RAPGEF1: variants seen among roughly 807,000 people sequenced by gnomAD.
RAPGEF1 encodes CRK SH3-binding GNRP.
Under a neutral mutation model 143.3 loss-of-function variants are expected in RAPGEF1, and 33 were observed. The ratio of observed to expected loss-of-function variants is 0.23; its 90% CI spans 0.17 to 0.31. RAPGEF1 has a LOEUF of 0.31. Among genes scored for constraint, RAPGEF1 ranks in the 10% least tolerant of loss-of-function variants. The probability of loss-of-function intolerance (pLI) is 1.00; values close to 1 mark genes in which losing one functional copy is unlikely to be tolerated. For missense variants in RAPGEF1, 1,199 were observed against 1,645.4 expected (o/e 0.73, Z 4.69); for synonymous variants, 629 against 676.5 (o/e 0.93, Z 1.09).
chr9:131,609,594 G>C (rs1319077754), intron 12 of RAPGEF1, among the ~76,000 whole-genome samples: 1 of 152,190 alleles, frequency 6.6e-6, no homozygotes, highest in African/African-American at 2.4e-5. Flanking sequence ...AGTGTGGCAG[G>C]ACAGGCAGGG....
chr9:131,626,872 G>A (rs112926712), intron 9 of RAPGEF1, among the ~76,000 whole-genome samples: 106 of 152,234 alleles, frequency 7.0e-4, no homozygotes, highest in African/African-American at 2.3e-3. Context: ...AGGCCGAGGC[G>A]GGCCGATCAG....
intron 1 of RAPGEF1, among the ~76,000 whole-genome samples, chr9:131,657,851 T>C (rs556691276): frequency 1.2e-4 from 19 of 152,364 alleles, no homozygotes; most frequent in African/African-American, 4.3e-4. Flanking sequence ...ATAGTTTATA[T>C]CGACATATAC....
At chr9:131,598,562 T>A (rs546604192) in intron 15 of RAPGEF1, 36 of 617,194 alleles carry the variant, frequency 5.8e-5, no homozygotes, top group South Asian at 5.5e-4. Context: ...ATAAAAAGGT[T>A]CCATTAAGCT....
chr9:131,626,403 A>G lies in RAPGEF1; in HGVS notation c.1221T>C (p.Tyr407=). The G allele has an allele frequency of 6.2e-7, 1 of 1,601,250 alleles. No homozygotes were observed. The highest frequency in any genetic ancestry group is 8.5e-7 in the Non-Finnish European group (1 of 1,170,928). ...CETLDHYDPD[Y]EFLQQDLSNA... ...TAGAGAGGTCTTGCTGGAGGAATTC[A>G]TAGTCGGGATCATAGTGGTCTGCAG... The change falls in exon 10 of 27, where the codon TAT becomes TAC. Residue 407 remains tyrosine (Y), a synonymous_variant. Coordinates refer to ENST00000683357, the MANE Select transcript of RAPGEF1 (RefSeq NM_001377935.1).
intron 1 of RAPGEF1, among the ~76,000 whole-genome samples, chr9:131,721,762 GTC>G (rs1836283540): frequency 1.3e-5 from 2 of 151,744 alleles, no homozygotes; most frequent in Non-Finnish European, 2.9e-5. Flanking sequence ...CTTTTTTCTT[GTC>G]AATATTCCCT....
chr9:131,696,778 G>A (rs1286768816), intron 1 of RAPGEF1, among the ~76,000 whole-genome samples: 2 of 152,156 alleles, frequency 1.3e-5, no homozygotes, highest in Non-Finnish European at 2.9e-5. Flanking sequence ...ATACTACAAA[G>A]ACGCATCTTG....
At chr9:131,630,411 G>T in intron 5 of RAPGEF1, 87 bp from the exon 6 acceptor site, 1 of 1,284,240 alleles carries the variant, frequency 7.8e-7, no homozygotes, top group South Asian at 1.2e-5. Context: ...TCTGTCCTCT[G>T]CTGCTGAGTC....
chr9:131,632,289 C>T (rs1404007796), intron 5 of RAPGEF1, among the ~76,000 whole-genome samples: 2 of 138,882 alleles, frequency 1.4e-5, no homozygotes, highest in African/African-American at 2.9e-5. Flanking sequence ...CCACTGCACC[C>T]GGCTAATTTT....
At chr9:131,592,244 C>T in intron 17 of RAPGEF1, 61 bp from the exon 18 acceptor site, 1 of 1,388,834 alleles carries the variant, frequency 7.2e-7, no homozygotes, top group Non-Finnish European at 1.0e-6. Flanking sequence ...GGGTGGTAGC[C>T]AGGGTGGATT....
chr9:131,735,597 T>G (rs1355757642), intron 1 of RAPGEF1, among the ~76,000 whole-genome samples: 1 of 152,122 alleles, frequency 6.6e-6, no homozygotes, highest in Non-Finnish European at 1.5e-5. Flanking sequence ...AATGAGTCAA[T>G]GAAGGGATGG....
chr9:131,642,542 C>T, intron 4 of RAPGEF1, among the ~76,000 whole-genome samples: 1 of 152,354 alleles, frequency 6.6e-6, no homozygotes, highest in East Asian at 1.9e-4. Context: ...CTCCTGAACA[C>T]GTGCCTGCTT....
At chr9:131,593,410 C>A (rs935916389) in intron 17 of RAPGEF1, among the ~76,000 whole-genome samples, 1 of 152,226 alleles carries the variant, frequency 6.6e-6, no homozygotes, top group Non-Finnish European at 1.5e-5. Flanking sequence ...TGCAGCCACC[C>A]CCCGTGCCTG....
At chr9:131,731,977 A>T (rs1837102896) in intron 1 of RAPGEF1, among the ~76,000 whole-genome samples, 1 of 152,200 alleles carries the variant, frequency 6.6e-6, no homozygotes, top group African/African-American at 2.4e-5. Flanking sequence ...CTGGGAGAAG[A>T]AAGTGGGAGA....
At chr9:131,671,997 T>C (rs529597144) in intron 1 of RAPGEF1, among the ~76,000 whole-genome samples, 1 of 152,320 alleles carries the variant, frequency 6.6e-6, no homozygotes, top group East Asian at 1.9e-4. Context: ...CCCTTCTCCC[T>C]GGAGTGTGGA....
At position 131,626,319 on chromosome 9, in the gene RAPGEF1, C is replaced by T. The variant is rs1054248746; in HGVS notation, c.1305G>A (p.Leu435=). The T allele has an allele frequency of 6.2e-6, 10 of 1,613,998 alleles. No individual in the cohort carries two copies. Among genetic ancestry groups the T allele is most frequent in the East Asian group, 2.2e-5 (1 of 44,888 alleles). The change falls in exon 10 of 27, where the codon TTG becomes TTA. Residue 435 remains leucine, a synonymous_variant. Coordinates refer to ENST00000683357, the MANE Select transcript of RAPGEF1 (RefSeq NM_001377935.1). ...AWNLSPLPES[L]GESGSPFLGP... is the part of the protein sequence containing the mutation. Reference sequence around the variant, plus strand: ...CAAGAAATGGAGACCCAGACTCCCCCAAAGACTCTGGCAACGGGCTAAGGT... The same window carrying T: ...CAAGAAATGGAGACCCAGACTCCCCTAAAGACTCTGGCAACGGGCTAAGGT...
chr9:131,586,284 A>ACACACC (rs1554801611), intron 22 of RAPGEF1, among the ~76,000 whole-genome samples: 5 of 125,780 alleles, frequency 4.0e-5, no homozygotes, highest in East Asian at 2.3e-4. Flanking sequence ...ACACACACAC[A>ACACACC]CCTGCAGAGC....
chr9:131,717,087 T>C (rs1182619990), intron 1 of RAPGEF1, among the ~76,000 whole-genome samples: 1 of 152,180 alleles, frequency 6.6e-6, no homozygotes, highest in Non-Finnish European at 1.5e-5. Context: ...ACTTGGACCA[T>C]GGCAGTATTG....
intron 1 of RAPGEF1, among the ~76,000 whole-genome samples, chr9:131,664,786 T>C (rs1044573760): frequency 6.6e-6 from 1 of 152,260 alleles, no homozygotes. Flanking sequence ...GTGTGGGTTA[T>C]ATTATCATTT....
intron 22 of RAPGEF1, 27 bp downstream of exon 22, chr9:131,587,709 C>T: frequency 1.4e-5 from 22 of 1,604,602 alleles, no homozygotes; most frequent in Non-Finnish European, 1.9e-5. Flanking sequence ...TCCAGAGCAA[C>T]AGGGCTTGGC....
Sources: gnomAD v4.1 joint callset for allele counts (sites outside exome capture counted in the v4.1 genomes callset) on GRCh38, gnomAD v4.1.1 for gene constraint, MANE v1.5 for transcripts, NCBI Gene and HGNC (gene_info 2026-07-23, HGNC 2026-07-21) for gene names.